LOXHD1: variants seen among roughly 807,000 people sequenced by gnomAD.
LOXHD1 encodes the protein lipoxygenase homology PLAT domains 1, also known as lipoxygenase homology domain-containing protein 1.
In LOXHD1, 205 loss-of-function variants were observed where a neutral mutation model predicts 248.2. The ratio of observed to expected loss-of-function variants is 0.83; its 90% CI spans 0.74 to 0.93. The LOEUF is 0.93. Among genes scored for constraint, LOXHD1 ranks in the 40% least tolerant of loss-of-function variants. The pLI is 0.00. For synonymous variants in LOXHD1, 1,113 were observed against 1,162.8 expected (o/e 0.96, Z 0.87); for missense variants, 2,930 against 2,971.6 (o/e 0.99, Z 0.33).
intron 37 of LOXHD1, among the ~76,000 whole-genome samples, chr18:46,496,161 C>A (rs6507702): frequency 0.45 from 68,970 of 152,096 alleles, 17,358 homozygotes; most frequent in East Asian, 0.68. Context: ...GGTGTGACAA[C>A]TTTCAATAGT....
intron 22 of LOXHD1, 92 bp downstream of exon 22, chr18:46,546,803 C>T (rs1410206910): frequency 7.1e-7 from 1 of 1,407,718 alleles, no homozygotes; most frequent in Non-Finnish European, 9.6e-7. Flanking sequence ...TCCCAGAGCC[C>T]ACAGGGGAGG....
chr18:46,551,207 A>C (rs768776963), intron 21 of LOXHD1, among the ~76,000 whole-genome samples: 4 of 150,696 alleles, frequency 2.7e-5, no homozygotes, highest in Non-Finnish European at 5.9e-5. Flanking sequence ...GGTTGACGCC[A>C]TTCTCCTGCC....
At chr18:46,515,061 T>G (rs1304267474) in intron 34 of LOXHD1, among the ~76,000 whole-genome samples, 1 of 152,158 alleles carries the variant, frequency 6.6e-6, no homozygotes, top group Non-Finnish European at 1.5e-5. Context: ...GATGAGAAGT[T>G]GGGAAATTTA....
chr18:46,560,052 T>TGGCCCCCCCCCCC, intron 19 of LOXHD1, 31 bp downstream of exon 19: 1 of 441,130 alleles, frequency 2.3e-6, no homozygotes, highest in Non-Finnish European at 3.6e-6. Flanking sequence ...GGCCACTCCC[T>TGGCCCCCCCCCCC]CCCCACCCCC....
intron 6 of LOXHD1, among the ~76,000 whole-genome samples, chr18:46,609,638 G>C (rs1025954143): frequency 6.6e-6 from 1 of 152,200 alleles, no homozygotes; most frequent in Non-Finnish European, 1.5e-5. Flanking sequence ...AAGGCCGGTT[G>C]CCTGTTTTCT....
intron 2 of LOXHD1, among the ~76,000 whole-genome samples, chr18:46,647,665 C>T (rs746282429): frequency 6.6e-6 from 1 of 152,188 alleles, no homozygotes; most frequent in Non-Finnish European, 1.5e-5. Context: ...AAGGCAGGTA[C>T]CCTGTTCTGT....
At chr18:46,572,025 T>C (rs2037761257) in intron 15 of LOXHD1, 61 bp downstream of exon 15, 4 of 1,419,756 alleles carry the variant, frequency 2.8e-6, no homozygotes, top group Non-Finnish European at 2.9e-6. Context: ...AGGGCTTAGC[T>C]GAGGGAAGGC....
intron 8 of LOXHD1, 134 bp downstream of exon 8, chr18:46,601,083 T>C (rs2038329487): frequency 2.5e-6 from 3 of 1,220,160 alleles, no homozygotes; most frequent in Admixed American, 5.4e-5. Flanking sequence ...CCACCCAAAA[T>C]GCCCAATGAA....
chr18:46,580,407 G>A (rs948051308), intron 12 of LOXHD1, among the ~76,000 whole-genome samples: 2 of 152,242 alleles, frequency 1.3e-5, no homozygotes, highest in Non-Finnish European at 2.9e-5. Flanking sequence ...AGAAAGGCAT[G>A]AAATGCAGTC....
At chr18:46,534,313 G>A (rs761599495) in intron 27 of LOXHD1, 22 bp downstream of exon 27, 2 of 1,516,304 alleles carry the variant, frequency 1.3e-6, no homozygotes, top group South Asian at 2.4e-5. Context: ...GAAACAGCAG[G>A]ACAGACCAGT....
In LOXHD1 at chr18:46,604,102, C is replaced by G. The variant is rs1202432624; in HGVS notation, c.883+4G>C. ...AAAAGAGCCTCCCCTTTCTTCAAATCTACCTGTGGTCTCAGCTCCGCCCAC... is the reference window on the plus strand; with the variant it reads ...AAAAGAGCCTCCCCTTTCTTCAAATGTACCTGTGGTCTCAGCTCCGCCCAC... On this transcript the variant is annotated splice_donor_region_variant and intron_variant, in intron 7 of 40. Transcript: ENST00000642948. 1 of 1,551,720 alleles carries G rather than the reference C, an allele frequency of 6.4e-7. No individual in the cohort carries two copies. Among genetic ancestry groups the G allele is most frequent in the East Asian group, 2.4e-5 (1 of 40,922 alleles).
intron 23 of LOXHD1, among the ~76,000 whole-genome samples, chr18:46,543,865 G>A (rs1273675190): frequency 6.6e-6 from 1 of 152,090 alleles, no homozygotes; most frequent in Non-Finnish European, 1.5e-5. Flanking sequence ...TGTTCCCTGG[G>A]GAAACATGGG....
rs188298422 is a variant in LOXHD1 at position 46,622,728 on chromosome 18, T to G, written c.512-4438A>C. Among the ~76,000 whole-genome samples, 161 of 152,330 alleles carry G rather than the reference T, an allele frequency of 1.1e-3. 1 individual carries two copies. The highest frequency in any genetic ancestry group is 3.8e-3 in the African/African-American group (156 of 41,574). On this transcript the variant is annotated intron_variant, in intron 4 of 40. Coordinates refer to ENST00000642948, the MANE Select transcript of LOXHD1 (RefSeq NM_001384474.1). ...GAGCATGTCCTATGCCCATTGTGAATGAGCAGGGCCAACTTTCCCTGCCCC... is the reference window on the plus strand; with the variant it reads ...GAGCATGTCCTATGCCCATTGTGAAGGAGCAGGGCCAACTTTCCCTGCCCC...
intron 15 of LOXHD1, among the ~76,000 whole-genome samples, chr18:46,571,232 C>G (rs1312106019): frequency 6.6e-6 from 1 of 152,112 alleles, no homozygotes; most frequent in East Asian, 1.9e-4. Flanking sequence ...CTTTGGGTGG[C>G]CAAGGTGGGT....
chr18:46,618,602 T>C (rs967766392), intron 4 of LOXHD1, among the ~76,000 whole-genome samples: 1 of 152,232 alleles, frequency 6.6e-6, no homozygotes, highest in Non-Finnish European at 1.5e-5. Flanking sequence ...CTTCTGTTTT[T>C]ATCTGCTAAC....
At chr18:46,480,962 T>C (rs2032513430) in intron 40 of LOXHD1, among the ~76,000 whole-genome samples, 1 of 152,120 alleles carries the variant, frequency 6.6e-6, no homozygotes, top group African/African-American at 2.4e-5. Flanking sequence ...TTCACCCAAA[T>C]CCTGAGGCTA....
rs2037391465 is a variant in LOXHD1 at position 46,557,498 on chromosome 18, G to A, written c.3217-9C>T. 6.4e-7 allele frequency: 1 copy of A among 1,551,780 alleles called. No individual in the cohort carries two copies. Among genetic ancestry groups the A allele is most frequent in the South Asian group, 1.2e-5 (1 of 84,056 alleles). On this transcript the variant is annotated splice_polypyrimidine_tract_variant and intron_variant, in intron 20 of 40. Coordinates refer to ENST00000642948, the MANE Select transcript of LOXHD1 (RefSeq NM_001384474.1). The stretch of plus-strand genomic sequence containing the variant: ...ATGGTGAAGGTGTCTGTCTGGGAAG[G>A]GCCAGGGAACACTCAGTGGGGTAAG...
intron 12 of LOXHD1, among the ~76,000 whole-genome samples, chr18:46,585,961 G>A (rs1158570806): frequency 6.6e-6 from 1 of 152,110 alleles, no homozygotes; most frequent in Admixed American, 6.5e-5. Context: ...CTTGTACATG[G>A]ATGTTTATGG....
In LOXHD1 at chr18:46,509,714, T is replaced by C; in HGVS notation, c.5501A>G (p.Glu1834Gly). ...IRIDGLGSRPEWFLERILLKN... is the reference protein window; with the variant it reads ...IRIDGLGSRPGWFLERILLKN... The stretch of plus-strand genomic sequence containing the variant: ...ACATTTTACCCTCTCCAGGAACCAC[T>C]CCGGCCGACTGCCCAGGCCATCAAT... Residue 1834 changes from glutamate to glycine, a missense_variant, in exon 35 of 41, where the codon GAG (glutamate) becomes GGG (glycine). Physicochemically the swap from Glu to Gly is moderately conservative, Grantham distance 98. Coordinates refer to ENST00000642948, the MANE Select transcript of LOXHD1 (RefSeq NM_001384474.1). 1 of 1,551,434 alleles carries C rather than the reference T, an allele frequency of 6.4e-7. No individual in the cohort carries two copies. The highest frequency in any genetic ancestry group is 8.7e-7 in the Non-Finnish European group (1 of 1,146,826).
Sources: gnomAD v4.1 joint callset for allele counts (sites outside exome capture counted in the v4.1 genomes callset) on GRCh38, gnomAD v4.1.1 for gene constraint, MANE v1.5 for transcripts, NCBI Gene and HGNC (gene_info 2026-07-23, HGNC 2026-07-21) for gene names.